DNAH17: variants seen among roughly 807,000 people sequenced by gnomAD.
DNAH17 encodes the protein dynein axonemal heavy chain 17.
Under a neutral mutation model 485.6 loss-of-function variants are expected in DNAH17, and 376 were observed. That is an observed-to-expected ratio of 0.77 (90% confidence interval 0.71 to 0.84). The LOEUF (loss-of-function observed/expected upper bound fraction) is 0.84. Ranked by LOEUF, DNAH17 falls within the 40% of genes least tolerant of loss-of-function variation. The pLI, the probability that DNAH17 is intolerant of heterozygous loss-of-function variation, is 0.00. For synonymous variants in DNAH17, 3,031 were observed against 2,405.9 expected (o/e 1.26, Z -7.60); for missense variants, 6,370 against 5,839.3 (o/e 1.09, Z -2.96).
At chr17:78,548,627 G>A (rs2091831856) in intron 16 of DNAH17, among the ~76,000 whole-genome samples, 1 of 152,316 alleles carries the variant, frequency 6.6e-6, no homozygotes, top group East Asian at 1.9e-4. Flanking sequence ...TCTTTGAACA[G>A]CCTCCTTTTG....
At position 78,479,658 on chromosome 17, in the gene DNAH17, A is replaced by C. The variant is rs984212986; in HGVS notation, c.7753-26T>G. 7.5e-6 allele frequency: 12 copies of C among 1,610,456 alleles called. No individual in the cohort carries two copies. The African/African-American group carries it at 1.5e-4, about 20-fold the overall frequency. On this transcript the variant is annotated intron_variant, in intron 49 of 80. Coordinates refer to ENST00000389840, the MANE Select transcript of DNAH17 (RefSeq NM_173628.4). The stretch of plus-strand genomic sequence containing the variant: ...CTACCCCAAAACAACCAAACACTCC[A>C]GTCAGCCAGCTCTTGGGGACCTGCC...
intron 30 of DNAH17, among the ~76,000 whole-genome samples, chr17:78,505,962 G>A (rs1471379080): frequency 6.6e-6 from 1 of 151,956 alleles, no homozygotes; most frequent in Non-Finnish European, 1.5e-5. Context: ...TGGGCAACAA[G>A]AGCGAAACTC....
chr17:78,428,971 T>G (rs554816976), intron 76 of DNAH17, 150 bp downstream of exon 76: 77 of 828,264 alleles, frequency 9.3e-5, no homozygotes, highest in Admixed American at 3.2e-4. Flanking sequence ...GCCTTGTGCT[T>G]CTTCCAAGTG....
chr17:78,504,968 C>T (rs1303641597), intron 31 of DNAH17, among the ~76,000 whole-genome samples: 7 of 127,384 alleles, frequency 5.5e-5, no homozygotes, highest in South Asian at 2.6e-4. Flanking sequence ...TGCAGTGGCG[C>T]GATCTTGGCT....
At chr17:78,424,712 C>T (rs2146398069) in intron 80 of DNAH17, among the ~76,000 whole-genome samples, 1 of 152,304 alleles carries the variant, frequency 6.6e-6, no homozygotes, top group South Asian at 2.1e-4. Flanking sequence ...CCCAACCCTG[C>T]CACCCCACAG....
chr17:78,427,185 C>T, intron 77 of DNAH17, 77 bp from the exon 78 acceptor site: 1 of 1,443,776 alleles, frequency 6.9e-7, no homozygotes, highest in East Asian at 2.5e-5. Flanking sequence ...GGAGCCTGCC[C>T]AAAATGTTCC....
intron 44 of DNAH17, chr17:78,489,233 G>A (rs1234506210): frequency 2.6e-5 from 4 of 152,350 alleles, no homozygotes; most frequent in African/African-American, 9.6e-5. Context: ...GAGCAAAGAA[G>A]TGCACCAGCA....
At chr17:78,570,212 G>T in intron 7 of DNAH17, 35 bp downstream of exon 7, 1 of 1,552,998 alleles carries the variant, frequency 6.4e-7, no homozygotes, top group East Asian at 2.4e-5. Context: ...AGCCAGGAGG[G>T]GAGGAAGGGG....
At chr17:78,546,421 C>A (rs965404180) in intron 16 of DNAH17, among the ~76,000 whole-genome samples, 2 of 152,180 alleles carry the variant, frequency 1.3e-5, no homozygotes, top group East Asian at 3.9e-4. Context: ...CTAATGTTTG[C>A]CCTTTGTTAT....
intron 54 of DNAH17, among the ~76,000 whole-genome samples, chr17:78,469,868 T>TA (rs2088663170): frequency 6.6e-6 from 1 of 151,788 alleles, no homozygotes; most frequent in South Asian, 2.1e-4. Flanking sequence ...GTCCCTAAAG[T>TA]AGTCAAAGTC....
intron 49 of DNAH17, 74 bp downstream of exon 49, chr17:78,480,606 AAAGC>A: frequency 7.7e-7 from 1 of 1,295,872 alleles, no homozygotes; most frequent in Non-Finnish European, 1.1e-6. Context: ...ACCCTAAACC[AAAGC>A]TTTTCCTCTC....
chr17:78,500,302 T>A lies in DNAH17; in HGVS notation c.5640+3A>T. The stretch of plus-strand genomic sequence containing the variant: ...GTCCCTCCTCCGGACCCCGGCCGCG[T>A]ACCTTGTAGTCCATCTGCTCGGAGC... On this transcript the variant is annotated splice_donor_region_variant and intron_variant, in intron 36 of 80. Coordinates refer to ENST00000389840, the MANE Select transcript of DNAH17 (RefSeq NM_173628.4). 6.2e-7 allele frequency: 1 copy of A among 1,610,236 alleles called. No homozygotes were observed. The highest frequency in any genetic ancestry group is 1.1e-5 in the South Asian group (1 of 90,502).
In DNAH17 at chr17:78,475,415, ACT is replaced by A. The variant is rs2088968886; in HGVS notation, c.8372_8373del (p.Glu2791ValfsTer30). 1.2e-6 allele frequency: 2 copies of A among 1,613,322 alleles called. No individual in the cohort carries two copies. The highest frequency in any genetic ancestry group is 1.7e-6 in the Non-Finnish European group (2 of 1,179,776). ...AHICRINRIL[E>X]SPRGNALLVG... Reference sequence around the variant, plus strand: ...ACCAGCAGGGCATTCCCCCGGGGAGACTCCAGGATGCGATTAATCCTGCAGAT... The same window carrying A: ...ACCAGCAGGGCATTCCCCCGGGGAGACCAGGATGCGATTAATCCTGCAGAT... On this transcript the variant is annotated frameshift_variant, in exon 54 of 81. Coordinates refer to ENST00000389840, the MANE Select transcript of DNAH17 (RefSeq NM_173628.4). LOFTEE classifies it high-confidence loss of function.
intron 44 of DNAH17, among the ~76,000 whole-genome samples, chr17:78,487,611 GC>G (rs2089669546): frequency 6.6e-6 from 1 of 152,068 alleles, no homozygotes; most frequent in Admixed American, 6.5e-5. Flanking sequence ...TGCAACTTCT[GC>G]CTCCTGGGTT....
chr17:78,479,380 T>C lies in DNAH17; in HGVS notation c.7900+105A>G, dbSNP rs992466941. On this transcript the variant is annotated intron_variant, in intron 50 of 80. Transcript: ENST00000389840. ...TAGCATCGTTTTTAAGATATTGATTTAGAATTATAAATAAAATATTTATCA... is the reference window on the plus strand; with the variant it reads ...TAGCATCGTTTTTAAGATATTGATTCAGAATTATAAATAAAATATTTATCA... 3.7e-6 allele frequency: 5 copies of C among 1,343,626 alleles called. No homozygotes were observed. The Admixed American group carries it at 1.5e-4, about 41-fold the overall frequency. 83.2% of individuals were successfully genotyped at this position (1,343,626 alleles called of 1,614,324 possible).
chr17:78,566,968 C>G (rs1303672239), intron 10 of DNAH17, 31 bp downstream of exon 10: 1 of 1,589,492 alleles, frequency 6.3e-7, no homozygotes, highest in Non-Finnish European at 8.6e-7. Context: ...CTCACCGAGT[C>G]CAGTTCATCC....
chr17:78,501,468 C>T lies in DNAH17; in HGVS notation c.5323-124G>A, dbSNP rs1357305773. 42 of 1,232,094 alleles carry T rather than the reference C, an allele frequency of 3.4e-5. No individual in the cohort carries two copies. In the East Asian group the frequency reaches 9.6e-4, roughly 28 times the overall value. 76.3% of individuals were successfully genotyped at this position (1,232,094 alleles called of 1,614,324 possible). On this transcript the variant is annotated intron_variant, in intron 34 of 80. Transcript: ENST00000389840. ...CAGGGAACCCTCCCTGGCCCTCTTT[C>T]CCCCTCCAGCACCCACATCCAACTG...
intron 64 of DNAH17, 78 bp downstream of exon 64, chr17:78,454,392 A>G: frequency 8.5e-7 from 1 of 1,181,028 alleles, no homozygotes; most frequent in Non-Finnish European, 1.2e-6. Context: ...CCACCCATCC[A>G]TTGAACCAAT....
intron 51 of DNAH17, among the ~76,000 whole-genome samples, chr17:78,477,981 T>TCATCACCAC (rs2089125690): frequency 9.5e-6 from 1 of 105,670 alleles, no homozygotes; most frequent in African/African-American, 4.0e-5. Flanking sequence ...ACCATCATCA[T>TCATCACCAC]CACCACCATC....
Sources: gnomAD v4.1 joint callset for allele counts (sites outside exome capture counted in the v4.1 genomes callset) on GRCh38, gnomAD v4.1.1 for gene constraint, MANE v1.5 for transcripts, NCBI Gene and HGNC (gene_info 2026-07-23, HGNC 2026-07-21) for gene names.